Variants in PARP4 observed in about 807,000 individuals in gnomAD.
PARP4 encodes the protein protein mono-ADP-ribosyltransferase PARP4.
PARP4 carries 120 observed loss-of-function variants against 187.7 expected under a neutral mutation model. The ratio of observed to expected loss-of-function variants is 0.64; its 90% confidence interval spans 0.55 to 0.74. PARP4 has a LOEUF of 0.74. Ranked by LOEUF, PARP4 falls within the 30% of genes least tolerant of loss-of-function variation. The pLI is 0.00. For synonymous variants in PARP4, 654 were observed against 740.9 expected (o/e 0.88, Z 1.90); for missense variants, 1,836 against 2,070.5 (o/e 0.89, Z 2.20).
chr13:24,485,436 G>A (rs1419830115), intron 11 of PARP4, among the ~76,000 whole-genome samples: 1 of 152,018 alleles, frequency 6.6e-6, no homozygotes, highest in Non-Finnish European at 1.5e-5. Context: ...AGAAAAACTG[G>A]CATCCTTCTG....
At chr13:24,491,174 G>A (rs1169820022) in intron 9 of PARP4, among the ~76,000 whole-genome samples, 3 of 151,596 alleles carry the variant, frequency 2.0e-5, no homozygotes, top group African/African-American at 4.9e-5. Flanking sequence ...AGGCTGGAGT[G>A]CAGTGGCATG....
intron 6 of PARP4, among the ~76,000 whole-genome samples, chr13:24,497,226 T>C (rs1281870113): frequency 6.6e-6 from 1 of 152,162 alleles, no homozygotes; most frequent in Non-Finnish European, 1.5e-5. Context: ...AAAGCCTCCT[T>C]TGTTGTTCCC....
At position 24,486,388 on chromosome 13, in the gene PARP4, G is replaced by C. The variant is rs140997420; in HGVS notation, c.1215-83C>G. Reference sequence around the variant, plus strand: ...CATTATAGCAGAAGAAATCCCAAAAGAGTCCAAATGTCCATTATCAGGAAA... The same window carrying C: ...CATTATAGCAGAAGAAATCCCAAAACAGTCCAAATGTCCATTATCAGGAAA... On this transcript the variant is annotated intron_variant, in intron 10 of 33. Transcript: ENST00000381989. 2,980 of 858,888 alleles carry C rather than the reference G, an allele frequency of 3.5e-3. 49 individuals are homozygous for C. The African/African-American group carries it at 0.037, about 11-fold the overall frequency. The allele number at this position is 858,888 out of a possible 1,614,324, so 53.2% of individuals were successfully genotyped here. A position where few individuals can be genotyped will look rare whatever the true frequency, so the allele number is the denominator to read the frequency against.
chr13:24,496,653 A>G (rs554478766), intron 6 of PARP4, among the ~76,000 whole-genome samples: 6 of 152,296 alleles, frequency 3.9e-5, no homozygotes, highest in Admixed American at 3.9e-4. Context: ...GAGTGGGAAC[A>G]AAGGGAAAAG....
intron 4 of PARP4, 58 bp from the exon 5 acceptor site, chr13:24,499,434 G>C (rs1869150409): frequency 7.1e-7 from 1 of 1,417,734 alleles, no homozygotes; most frequent in African/African-American, 1.5e-5. Context: ...AGGCTAAACA[G>C]AATTTCATAA....
At chr13:24,477,951 A>T in intron 13 of PARP4, 94 bp from the exon 14 acceptor site, 2 of 1,145,802 alleles carry the variant, frequency 1.7e-6, no homozygotes, top group Non-Finnish European at 1.2e-6. Context: ...TTGCTAATTT[A>T]GAAAATGTTG....
intron 11 of PARP4, among the ~76,000 whole-genome samples, chr13:24,484,960 G>A (rs1873477525): frequency 6.6e-6 from 1 of 152,172 alleles, no homozygotes; most frequent in Non-Finnish European, 1.5e-5. Flanking sequence ...GAGATTGAAT[G>A]AATTTTGTAA....
intron 33 of PARP4, among the ~76,000 whole-genome samples, chr13:24,424,212 C>A (rs1242587126): frequency 1.3e-5 from 2 of 152,168 alleles, no homozygotes; most frequent in South Asian, 2.1e-4. Flanking sequence ...TCTTTAATAT[C>A]ATAAAATATC....
intron 1 of PARP4, among the ~76,000 whole-genome samples, chr13:24,511,736 T>C (rs1258032310): frequency 6.6e-6 from 1 of 152,220 alleles, no homozygotes; most frequent in Non-Finnish European, 1.5e-5. Flanking sequence ...ACTTTTGATA[T>C]ACAGTGGGCA....
At chr13:24,465,623 A>C (rs1428146472) in intron 17 of PARP4, among the ~76,000 whole-genome samples, 1 of 152,130 alleles carries the variant, frequency 6.6e-6, no homozygotes, top group Admixed American at 6.6e-5. Flanking sequence ...CCTGTAGCGG[A>C]GGCAGGGAGA....
chr13:24,506,145 T>TAGGA (rs1447740390), intron 1 of PARP4, among the ~76,000 whole-genome samples: 1 of 152,098 alleles, frequency 6.6e-6, no homozygotes, highest in East Asian at 1.9e-4. Flanking sequence ...GTCCGAAGTT[T>TAGGA]GTTCCTTCCT....
At position 24,504,307 on chromosome 13, in the gene PARP4, CTTTTTTTTTTTT is replaced by C. The variant is rs11434017; in HGVS notation, c.-1-542_-1-531del. Among the ~76,000 whole-genome samples the C allele has an allele frequency of 8.0e-5, 7 of 87,366 alleles. No homozygotes were observed. In the East Asian group the frequency reaches 1.8e-3, roughly 23 times the overall value. The allele number at this position is 87,366 out of a possible 152,430, so 57.3% of individuals were successfully genotyped here. The stretch of plus-strand genomic sequence containing the variant: ...CACATATATATTCTGCATTTAGGTT[CTTTTTTTTTTTT>C]TTTTTTTTTTTGGAGACGGAATCTC... On this transcript the variant is annotated intron_variant, in intron 1 of 33. Transcript: ENST00000381989.
intron 4 of PARP4, 92 bp downstream of exon 4, chr13:24,500,224 G>A (rs1378231623): frequency 1.1e-5 from 7 of 634,556 alleles, no homozygotes; most frequent in Admixed American, 8.7e-5. Context: ...ATAAGAAAAA[G>A]TCTACAAATA....
At position 24,490,687 on chromosome 13, in the gene PARP4, C is replaced by A; in HGVS notation, c.1195G>T (p.Val399Phe). ...TEEFLRVRKE[V>F]LQNHHSKSPV... is the part of the protein sequence containing the mutation. ...GCTTACCTGTGATGATTCTGCAAAA[C>A]CTCTTTTCTAACCCTGAGAAATTCT... The change falls in exon 10 of 34, where the codon GTT (valine) becomes TTT (phenylalanine). Residue 399 changes from valine (V) to phenylalanine (F), a missense_variant. Coordinates refer to ENST00000381989, the MANE Select transcript of PARP4 (RefSeq NM_006437.4). The A allele has an allele frequency of 1.2e-6, 2 of 1,613,610 alleles. No individual in the cohort carries two copies. The highest frequency in any genetic ancestry group is 8.5e-7 in the Non-Finnish European group (1 of 1,179,694).
At chr13:24,464,405 AG>A (rs1179782117) in intron 17 of PARP4, among the ~76,000 whole-genome samples, 2 of 152,206 alleles carry the variant, frequency 1.3e-5, no homozygotes, top group Admixed American at 6.5e-5. Flanking sequence ...CTATACTACA[AG>A]GCTACAGTAA....
chr13:24,480,251 G>T (rs919619150), intron 12 of PARP4, among the ~76,000 whole-genome samples: 1 of 152,014 alleles, frequency 6.6e-6, no homozygotes, highest in African/African-American at 2.4e-5. Flanking sequence ...CTTGGCAAAT[G>T]TTTTGTGTGT....
chr13:24,484,880 G>T, intron 11 of PARP4, 132 bp from the exon 12 acceptor site: 1 of 572,006 alleles, frequency 1.7e-6, no homozygotes, highest in Non-Finnish European at 3.2e-6. Flanking sequence ...AGCCATGGTT[G>T]TTTCCGGAAA....
chr13:24,421,459 G>C (rs1870069768), intron 33 of PARP4, 145 bp from the exon 34 acceptor site: 2 of 1,086,374 alleles, frequency 1.8e-6, no homozygotes, highest in East Asian at 2.7e-5. Context: ...GCATCTTACG[G>C]AAGTTCTTCT....
rs773118050 is a variant in PARP4 at position 24,484,724 on chromosome 13, C to T, written c.1377G>A (p.Val459=). ...LCRGLLLPKV[V]EDRGVQRTDV... ...CTGTTCTTTGCACACCACGATCTTC[C>T]ACTACTTTGGGTAAAAGCAACCCTC... Residue 459 remains valine (V), a synonymous_variant, in exon 12 of 34, where the codon GTG becomes GTA. Transcript: ENST00000381989. The T allele has an allele frequency of 6.2e-7, 1 of 1,607,078 alleles. No homozygotes were observed. The highest frequency in any genetic ancestry group is 1.1e-5 in the South Asian group (1 of 90,970).
Sources: allele counts gnomAD v4.1 joint callset (sites outside exome capture counted in the v4.1 genomes callset), GRCh38; gene constraint gnomAD v4.1.1; transcripts MANE v1.5; gene names NCBI Gene and HGNC (gene_info 2026-07-23, HGNC 2026-07-21).